The following ST3GAL3 variants were observed in gnomAD, a reference collection of about 807,000 sequenced individuals.
ST3GAL3 encodes CMP-N-acetylneuraminate-beta-1,4-galactoside alpha-2,3-sialyltransferase.
In ST3GAL3, 21 loss-of-function variants were observed where a neutral mutation model predicts 50.1. The observed-to-expected ratio is 0.42, with a 90% CI of 0.30 to 0.60. ST3GAL3 has a LOEUF of 0.60. Among genes scored for constraint, ST3GAL3 ranks in the 20% least tolerant of loss-of-function variants. ST3GAL3 has a pLI of 0.19. For synonymous variants in ST3GAL3, 183 were observed against 190.0 expected (o/e 0.96, Z 0.30); for missense variants, 353 against 489.4 (o/e 0.72, Z 2.63).
Position 43,737,042 on chromosome 1 carries a change from CTTG to C in ST3GAL3, c.118+663_118+665del, listed in dbSNP as rs3838465. ...ATGTGGCCTGTGTTTTGGTTCTAGG[CTTG>C]CAGTTGAAGGGCTTACATTGATCAG... On this transcript the variant is annotated intron_variant, in intron 2 of 11. Transcript: ENST00000347631. This position sits in a 1 kb window ranked among gnomAD's most constrained non-coding sequence, Gnocchi z 4.0. 0.32 allele frequency: 53,786 copies of C among 167,150 alleles called. 10,513 individuals carry two copies. The highest frequency in any genetic ancestry group is 0.53 in the East Asian group (3,024 of 5,744). The allele number at this position is 167,150 out of a possible 1,614,324, so 10.4% of individuals were successfully genotyped here.
intron 2 of ST3GAL3, among the ~76,000 whole-genome samples, chr1:43,757,231 TTC>T (rs996000645): frequency 6.6e-6 from 1 of 152,130 alleles, no homozygotes; most frequent in Non-Finnish European, 1.5e-5. Flanking sequence ...ATGCAGCACA[TTC>T]TCTCAATCAA....
intron 9 of ST3GAL3, among the ~76,000 whole-genome samples, chr1:43,915,704 G>C (rs2081663500): frequency 6.6e-6 from 1 of 152,186 alleles, no homozygotes; most frequent in African/African-American, 2.4e-5. Flanking sequence ...TTAGCAAGTG[G>C]GGACTTCAGA....
chr1:43,817,733 C>CTCT (rs1553351630), intron 4 of ST3GAL3, among the ~76,000 whole-genome samples: 1 of 112,906 alleles, frequency 8.9e-6, no homozygotes, highest in Non-Finnish European at 1.7e-5. Flanking sequence ...CTCCTCCTCC[C>CTCT]CCTCCTCCTC....
chr1:43,722,228 G>A (rs1202579981), intron 1 of ST3GAL3, among the ~76,000 whole-genome samples: 1 of 152,094 alleles, frequency 6.6e-6, no homozygotes, highest in African/African-American at 2.4e-5. Context: ...TGAAGTGGTG[G>A]GGTCAGGAGG....
In ST3GAL3 at chr1:43,864,886, G is replaced by A. The variant is rs2070911144; in HGVS notation, c.302+26575G>A. 2.6e-5 allele frequency among the ~76,000 whole-genome samples: 4 copies of A among 152,108 alleles called. No individual in the cohort carries two copies. The South Asian group carries it at 8.3e-4, about 32-fold the overall frequency. On this transcript the variant is annotated intron_variant, in intron 5 of 11. Coordinates refer to ENST00000347631, the MANE Select transcript of ST3GAL3 (RefSeq NM_006279.5). ...ACAGGGAGAAGAGCACGCTTATGGG[G>A]CAGCTGTTGAGTTCATCTGGGGAGA...
At chr1:43,749,131 G>A (rs2154107663) in intron 2 of ST3GAL3, among the ~76,000 whole-genome samples, 1 of 152,202 alleles carries the variant, frequency 6.6e-6, no homozygotes, top group African/African-American at 2.4e-5. Context: ...ATACTCTGGT[G>A]CAATAACTAG....
intron 1 of ST3GAL3, among the ~76,000 whole-genome samples, chr1:43,725,634 T>C (rs1672592320): frequency 6.6e-6 from 1 of 152,134 alleles, no homozygotes; most frequent in Admixed American, 6.6e-5. Context: ...CTGATACTCT[T>C]ATTAAATTTA....
chr1:43,768,374 A>C (rs1693897906), intron 2 of ST3GAL3, among the ~76,000 whole-genome samples: 1 of 152,192 alleles, frequency 6.6e-6, no homozygotes, highest in African/African-American at 2.4e-5. Flanking sequence ...CCAGGTGTTC[A>C]AGGCTGCAGT....
At chr1:43,868,113 C>T (rs943776439) in intron 5 of ST3GAL3, among the ~76,000 whole-genome samples, 3 of 152,144 alleles carry the variant, frequency 2.0e-5, no homozygotes, top group Non-Finnish European at 4.4e-5. Flanking sequence ...ACTGGAAACA[C>T]CCTAAGTGCC....
chr1:43,905,920 C>T (rs1279469252), intron 9 of ST3GAL3, among the ~76,000 whole-genome samples: 13 of 117,320 alleles, frequency 1.1e-4, no homozygotes, highest in Admixed American at 1.6e-4. Context: ...TTCCTCTTCC[C>T]ACCACTCTTC....
intron 2 of ST3GAL3, among the ~76,000 whole-genome samples, chr1:43,791,870 C>A (rs548718015): frequency 2.0e-5 from 3 of 152,302 alleles, no homozygotes; most frequent in South Asian, 2.1e-4. Context: ...GAATTTGGGG[C>A]CTGTCCCTGC....
intron 2 of ST3GAL3, among the ~76,000 whole-genome samples, chr1:43,782,432 T>A (rs538702657): frequency 1.1e-3 from 161 of 152,330 alleles, no homozygotes; most frequent in African/African-American, 3.6e-3. Flanking sequence ...AAAAATCTGT[T>A]GATATCATTA....
chr1:43,805,293 A>G (rs2059746831), intron 3 of ST3GAL3, among the ~76,000 whole-genome samples: 1 of 152,082 alleles, frequency 6.6e-6, no homozygotes. Context: ...TAGGGAAGAA[A>G]TTGTCCCACT....
intron 2 of ST3GAL3, among the ~76,000 whole-genome samples, chr1:43,776,210 A>G (rs773535332): frequency 6.6e-6 from 1 of 151,980 alleles, no homozygotes; most frequent in African/African-American, 2.4e-5. Flanking sequence ...GTCAGGGCCC[A>G]TTTTCCCTCA....
At chr1:43,840,751 G>A (rs901478659) in intron 5 of ST3GAL3, 8 of 152,108 alleles carry the variant, frequency 5.3e-5, no homozygotes, top group African/African-American at 1.4e-4. Context: ...GCTGGCCGAC[G>A]CTTAGGAAAA....
chr1:43,831,425 G>A (rs1213586752), intron 4 of ST3GAL3, among the ~76,000 whole-genome samples: 1 of 152,216 alleles, frequency 6.6e-6, no homozygotes, highest in African/African-American at 2.4e-5. Flanking sequence ...TTATGTATTT[G>A]TTATCCAATC....
intron 5 of ST3GAL3, among the ~76,000 whole-genome samples, chr1:43,881,490 G>A (rs190394954): frequency 2.0e-5 from 3 of 152,222 alleles, no homozygotes; most frequent in Non-Finnish European, 2.9e-5. Flanking sequence ...AGGCAGGGGC[G>A]CCTGCCTGAC....
In ST3GAL3 at chr1:43,899,287, C is replaced by T. The variant is rs760868257; in HGVS notation, c.557+24C>T. 6 of 1,614,028 alleles carry T rather than the reference C, an allele frequency of 3.7e-6. No individual in the cohort carries two copies. The highest frequency in any genetic ancestry group is 3.3e-5 in the Admixed American group (2 of 60,010). On this transcript the variant is annotated intron_variant, in intron 8 of 11. Coordinates refer to ENST00000347631, the MANE Select transcript of ST3GAL3 (RefSeq NM_006279.5). The surrounding 1 kb of genome is among the most constrained non-coding windows in gnomAD (Gnocchi z 5.4). Reference sequence around the variant, plus strand: ...AGGTGAGCTCCCCAAAATGGCACCTCGGGTGAGTGTCGTGGCCCCAACCCT... The same window carrying T: ...AGGTGAGCTCCCCAAAATGGCACCTTGGGTGAGTGTCGTGGCCCCAACCCT...
intron 3 of ST3GAL3, among the ~76,000 whole-genome samples, chr1:43,793,251 A>G (rs1469091164): frequency 1.3e-5 from 2 of 152,048 alleles, no homozygotes; most frequent in African/African-American, 4.8e-5. Context: ...TTATGGGTAC[A>G]TAGTGGGTGT....
Sources: allele counts gnomAD v4.1 joint callset (sites outside exome capture counted in the v4.1 genomes callset), GRCh38; gene constraint gnomAD v4.1.1; non-coding constraint Gnocchi (gnomAD v3.1); transcripts MANE v1.5; gene names NCBI Gene and HGNC (gene_info 2026-07-23, HGNC 2026-07-21).